The following CADPS variants were observed in gnomAD, a reference collection of about 807,000 sequenced individuals.
The protein encoded by CADPS is calcium-dependent secretion activator 1.
CADPS carries 57 observed loss-of-function variants against 167.3 expected under a neutral mutation model. The ratio of observed to expected loss-of-function variants is 0.34; its 90% confidence interval spans 0.28 to 0.42. The LOEUF (loss-of-function observed/expected upper bound fraction) is 0.42. Ranked by LOEUF, CADPS falls within the 20% of genes least tolerant of loss-of-function variation. CADPS has a pLI of 1.00. For synonymous variants in CADPS, 676 were observed against 635.3 expected (o/e 1.06, Z -0.96); for missense variants, 1,414 against 1,738.1 (o/e 0.81, Z 3.32).
intron 6 of CADPS, among the ~76,000 whole-genome samples, chr3:62,626,741 C>T (rs1349592): frequency 0.91 from 138,451 of 152,210 alleles, 63,679 homozygotes; most frequent in East Asian, 1. Context: ...TATGGCTACT[C>T]TATATTTACA....
chr3:62,444,125 G>A (rs2056826768), intron 27 of CADPS, among the ~76,000 whole-genome samples: 2 of 152,300 alleles, frequency 1.3e-5, no homozygotes, highest in Middle Eastern at 3.4e-3. Flanking sequence ...CAGGCCACCT[G>A]TTCAAACCTG....
chr3:62,713,508 C>T (rs1044738545), intron 3 of CADPS, among the ~76,000 whole-genome samples: 3 of 152,234 alleles, frequency 2.0e-5, no homozygotes, highest in African/African-American at 7.2e-5. Flanking sequence ...TCTGCATGAT[C>T]CACACCTTAT....
At chr3:62,701,196 A>G (rs775570478) in intron 3 of CADPS, among the ~76,000 whole-genome samples, 6 of 152,124 alleles carry the variant, frequency 3.9e-5, no homozygotes, top group Non-Finnish European at 8.8e-5. Context: ...AGAAACCCTT[A>G]GTTGGATCCC....
At chr3:62,566,208 G>GA (rs2080157232) in intron 9 of CADPS, among the ~76,000 whole-genome samples, 1 of 152,202 alleles carries the variant, frequency 6.6e-6, no homozygotes, top group African/African-American at 2.4e-5. Flanking sequence ...GGGAGCAGGG[G>GA]CGGGGTTAGG....
At chr3:62,432,019 G>A (rs1236448511) in intron 28 of CADPS, among the ~76,000 whole-genome samples, 2 of 151,814 alleles carry the variant, frequency 1.3e-5, no homozygotes, top group Admixed American at 6.6e-5. Context: ...ATAGTAAAGG[G>A]TATTAATTAC....
chr3:62,523,129 C>T (rs1212460591), intron 13 of CADPS, among the ~76,000 whole-genome samples: 1 of 152,170 alleles, frequency 6.6e-6, no homozygotes, highest in East Asian at 1.9e-4. Flanking sequence ...TCTTCACTCT[C>T]CTCACAGTCT....
At chr3:62,691,557 G>T (rs2079121671) in intron 3 of CADPS, among the ~76,000 whole-genome samples, 1 of 151,960 alleles carries the variant, frequency 6.6e-6, no homozygotes, top group Non-Finnish European at 1.5e-5. Flanking sequence ...TTTCCTGGAG[G>T]TTCCTGAGTT....
chr3:62,550,490 C>T (rs1043606079), intron 10 of CADPS, among the ~76,000 whole-genome samples: 1 of 152,166 alleles, frequency 6.6e-6, no homozygotes, highest in African/African-American at 2.4e-5. Flanking sequence ...TATTGTTCTT[C>T]TCTTTACAAC....
chr3:62,422,376 G>A (rs1360117670), intron 28 of CADPS, among the ~76,000 whole-genome samples: 2 of 152,060 alleles, frequency 1.3e-5, no homozygotes, highest in Non-Finnish European at 2.9e-5. Context: ...ATGGCCAAGG[G>A]ATTTGCCACT....
chr3:62,825,396 T>C (rs927101600), intron 1 of CADPS, among the ~76,000 whole-genome samples: 6 of 152,132 alleles, frequency 3.9e-5, no homozygotes, highest in East Asian at 1.9e-4. Context: ...CCTGGGAGCT[T>C]GTCAGAAAGG....
At chr3:62,873,755 G>A (rs560470623) in intron 1 of CADPS, among the ~76,000 whole-genome samples, 168 of 152,220 alleles carry the variant, frequency 1.1e-3, no homozygotes, top group South Asian at 2.9e-3. Flanking sequence ...CAGTGGCAGG[G>A]CTTGGAGGAC....
intron 3 of CADPS, among the ~76,000 whole-genome samples, chr3:62,725,577 C>T (rs950393747): frequency 6.7e-6 from 1 of 149,448 alleles, no homozygotes; most frequent in Non-Finnish European, 1.5e-5. Context: ...GATAATAGCA[C>T]CCACCTCATG....
intron 17 of CADPS, among the ~76,000 whole-genome samples, chr3:62,501,785 G>A (rs2065811542): frequency 1.3e-5 from 2 of 152,186 alleles, no homozygotes; most frequent in African/African-American, 4.8e-5. Context: ...AATCCAAGAT[G>A]TTGAAGCTAG....
rs376132461 is a variant in CADPS at position 62,422,290 on chromosome 3, C to T, written c.3777+15814G>A. Among the ~76,000 whole-genome samples the T allele has an allele frequency of 3.4e-3, 511 of 152,286 alleles. 7 individuals are homozygous for T. Among genetic ancestry groups the T allele is most frequent in the African/African-American group, 0.012 (489 of 41,558 alleles). Reference sequence around the variant, plus strand: ...GACCTCAGCCACTGCCCCTGAGCCCCCAACCTGAATGCCAAAACCAGACAT... The same window carrying T: ...GACCTCAGCCACTGCCCCTGAGCCCTCAACCTGAATGCCAAAACCAGACAT... On this transcript the variant is annotated intron_variant, in intron 28 of 29. Transcript: ENST00000383710.
intron 1 of CADPS, among the ~76,000 whole-genome samples, chr3:62,780,518 G>A (rs1443743937): frequency 6.6e-6 from 1 of 152,142 alleles, no homozygotes; most frequent in Non-Finnish European, 1.5e-5. Flanking sequence ...TGGAGAATGA[G>A]GTCCTCTCAT....
intron 10 of CADPS, among the ~76,000 whole-genome samples, chr3:62,552,276 T>A (rs1429529785): frequency 6.6e-6 from 1 of 150,612 alleles, no homozygotes; most frequent in Non-Finnish European, 1.5e-5. Flanking sequence ...ATACCTAATG[T>A]TAAATGACGA....
At chr3:62,505,549 C>A (rs2066514714) in intron 17 of CADPS, among the ~76,000 whole-genome samples, 1 of 152,216 alleles carries the variant, frequency 6.6e-6, no homozygotes, top group Admixed American at 6.5e-5. Context: ...AGGCAGCCTT[C>A]AGTCCCTTTT....
intron 28 of CADPS, among the ~76,000 whole-genome samples, chr3:62,411,831 G>A (rs1243582049): frequency 6.6e-6 from 1 of 152,158 alleles, no homozygotes; most frequent in African/African-American, 2.4e-5. Context: ...GCTTCCCAAG[G>A]GCTGAACAAA....
chr3:62,548,189 C>T lies in CADPS; in HGVS notation c.1966+1714G>A, dbSNP rs1015972977. Among the ~76,000 whole-genome samples, 4 of 151,842 alleles carry T rather than the reference C, an allele frequency of 2.6e-5. No homozygotes were observed. The South Asian group carries it at 6.2e-4, about 24-fold the overall frequency. Reference sequence around the variant, plus strand: ...AAATGAATTACAAAGGAGCATGTTGCCCAAGGTGAAAGGAGGGATTTTTGT... The same window carrying T: ...AAATGAATTACAAAGGAGCATGTTGTCCAAGGTGAAAGGAGGGATTTTTGT... On this transcript the variant is annotated intron_variant, in intron 11 of 29. Coordinates refer to ENST00000383710, the MANE Select transcript of CADPS (RefSeq NM_003716.4).
Sources: allele counts gnomAD v4.1 joint callset (sites outside exome capture counted in the v4.1 genomes callset), GRCh38; gene constraint gnomAD v4.1.1; transcripts MANE v1.5; gene names NCBI Gene and HGNC (gene_info 2026-07-23, HGNC 2026-07-21).